PRR16: variants seen among roughly 807,000 people sequenced by gnomAD.
PRR16 encodes protein Largen.
Under a neutral mutation model 18.2 loss-of-function variants are expected in PRR16, and 6 were observed. That is an observed-to-expected ratio of 0.33 (90% CI 0.18 to 0.65). PRR16 has a LOEUF of 0.65. Ranked by LOEUF, PRR16 falls within the 30% of genes least tolerant of loss-of-function variation. The pLI is 0.74. For missense variants in PRR16, 412 were observed against 376.6 expected, an observed-to-expected ratio of 1.09 and a Z score of -0.78; for synonymous variants, 151 against 147.8, an observed-to-expected ratio of 1.02 and a Z score of -0.16.
At chr5:120,698,514 T>G in the PRR16 span, among the ~76,000 whole-genome samples, 2 of 133,156 alleles carry the variant, frequency 1.5e-5, no homozygotes, top group Non-Finnish European at 3.3e-5. Flanking sequence ...AGAAACAGTG[T>G]AAACAAGAGC....
chr5:120,684,293 C>T (rs1757054948), intron 1 of PRR16, among the ~76,000 whole-genome samples: 1 of 152,138 alleles, frequency 6.6e-6, no homozygotes, highest in African/African-American at 2.4e-5. Context: ...AGACTGAGCC[C>T]TGGTGGCCTT....
chr5:120,665,895 G>T (rs1459386303), intron 1 of PRR16, among the ~76,000 whole-genome samples: 5 of 152,148 alleles, frequency 3.3e-5, no homozygotes, highest in Admixed American at 1.3e-4. Context: ...GTAGCGTGAT[G>T]CCTCCAGCTT....
the PRR16 span, among the ~76,000 whole-genome samples, chr5:120,774,118 T>C: frequency 2.0e-5 from 3 of 152,136 alleles, no homozygotes; most frequent in African/African-American, 4.8e-5. Context: ...TTCTTAAGGT[T>C]GAGTATTTAA....
intron 1 of PRR16, among the ~76,000 whole-genome samples, chr5:120,650,835 A>T (rs534371790): frequency 6.6e-6 from 1 of 152,240 alleles, no homozygotes; most frequent in East Asian, 1.9e-4. Context: ...TCCTTTGGGT[A>T]TATACCCAGT....
intron 1 of PRR16, among the ~76,000 whole-genome samples, chr5:120,546,646 G>A (rs1752082665): frequency 6.6e-6 from 1 of 152,112 alleles, no homozygotes; most frequent in Non-Finnish European, 1.5e-5. Context: ...ACAGTGTGAA[G>A]ATGAACAAGG....
At chr5:120,728,931 C>T in the PRR16 span, among the ~76,000 whole-genome samples, 62 of 152,078 alleles carry the variant, frequency 4.1e-4, no homozygotes, top group Non-Finnish European at 2.9e-5. Context: ...GCACAGAATA[C>T]CTTAAATACC....
intron 1 of PRR16, among the ~76,000 whole-genome samples, chr5:120,624,888 A>C (rs552748093): frequency 6.6e-6 from 1 of 152,056 alleles, no homozygotes; most frequent in Non-Finnish European, 1.5e-5. Context: ...ATAATGAATA[A>C]GTCTCATGAG....
intron 1 of PRR16, among the ~76,000 whole-genome samples, chr5:120,582,157 C>T (rs547217909): frequency 6.6e-5 from 10 of 152,244 alleles, no homozygotes; most frequent in Admixed American, 6.5e-4. Context: ...CTTTCAGCAA[C>T]ATGCCTGGAG....
At chr5:120,494,889 A>G (rs910437870) in intron 1 of PRR16, among the ~76,000 whole-genome samples, 1 of 152,060 alleles carries the variant, frequency 6.6e-6, no homozygotes, top group African/African-American at 2.4e-5. Context: ...TAAAAAAATC[A>G]GTTCTCCACC....
chr5:120,706,648 G>A, the PRR16 span, among the ~76,000 whole-genome samples: 2 of 152,194 alleles, frequency 1.3e-5, no homozygotes, highest in Non-Finnish European at 2.9e-5. Context: ...ACCATTTTAT[G>A]CAATGCTGAG....
At chr5:120,707,830 G>C in the PRR16 span, among the ~76,000 whole-genome samples, 2 of 152,144 alleles carry the variant, frequency 1.3e-5, no homozygotes, top group Admixed American at 6.6e-5. Context: ...GTATGAAAAA[G>C]TTGCCAGGGG....
At chr5:120,694,246 T>A in the PRR16 span, among the ~76,000 whole-genome samples, 2 of 152,254 alleles carry the variant, frequency 1.3e-5, no homozygotes, top group African/African-American at 2.4e-5. Context: ...ATCTTATTTA[T>A]AAAGTAATCA....
rs1400304016 is a variant in PRR16, at chr5:120,464,482, A to T, written c.-5A>T. 1 of 1,585,350 alleles carries T rather than the reference A, an allele frequency of 6.3e-7. No homozygotes were observed. The highest frequency in any genetic ancestry group is 2.3e-5 in the East Asian group (1 of 44,306). On this transcript the variant is annotated 5_prime_UTR_variant, in exon 1 of 2. Coordinates refer to ENST00000407149, the MANE Select transcript of PRR16 (RefSeq NM_001300783.2). ...GTCCTGACCTGCCTCGCTTGCCCCCAAAGAATGTCAGCCAAGTCCAAGGGG... is the reference window on the plus strand; with the variant it reads ...GTCCTGACCTGCCTCGCTTGCCCCCTAAGAATGTCAGCCAAGTCCAAGGGG...
chr5:120,480,545 A>G (rs1476806254), intron 1 of PRR16, among the ~76,000 whole-genome samples: 1 of 152,224 alleles, frequency 6.6e-6, no homozygotes, highest in Admixed American at 6.5e-5. Context: ...CTGACAATGT[A>G]GTACTATCTA....
At chr5:120,750,110 G>C in the PRR16 span, among the ~76,000 whole-genome samples, 1 of 152,098 alleles carries the variant, frequency 6.6e-6, no homozygotes, top group East Asian at 1.9e-4. Flanking sequence ...ACATTCAGCA[G>C]TATGGTTTAG....
intron 1 of PRR16, among the ~76,000 whole-genome samples, chr5:120,541,004 TACACATAC>T (rs1267171395): frequency 6.6e-6 from 1 of 152,228 alleles, no homozygotes; most frequent in Non-Finnish European, 1.5e-5. Context: ...CATTTAGACG[TACACATAC>T]ACACATACAT....
At chr5:120,471,344 G>A (rs949804743) in intron 1 of PRR16, among the ~76,000 whole-genome samples, 2 of 152,022 alleles carry the variant, frequency 1.3e-5, no homozygotes, top group South Asian at 2.1e-4. Context: ...ACTTAGCATT[G>A]TATATAATTG....
the PRR16 span, among the ~76,000 whole-genome samples, chr5:120,718,090 G>C: frequency 6.6e-6 from 1 of 152,162 alleles, no homozygotes; most frequent in South Asian, 2.1e-4. Flanking sequence ...AGTTCATATT[G>C]AGAGTGGAGG....
intron 1 of PRR16, among the ~76,000 whole-genome samples, chr5:120,570,345 A>G (rs1464933745): frequency 6.6e-6 from 1 of 152,062 alleles, no homozygotes; most frequent in African/African-American, 2.4e-5. Context: ...ATTTATCAAG[A>G]AAAAAGTAGG....
Sources: allele counts gnomAD v4.1 joint callset (sites outside exome capture counted in the v4.1 genomes callset), GRCh38; gene constraint gnomAD v4.1.1; transcripts MANE v1.5; gene names NCBI Gene and HGNC (gene_info 2026-07-23, HGNC 2026-07-21).